The following KPNA3 variants were observed in gnomAD, a reference collection of about 807,000 sequenced individuals.
KPNA3 encodes importin subunit alpha-4.
KPNA3 carries 13 observed loss-of-function variants against 73.8 expected under a neutral mutation model. That is an observed-to-expected ratio of 0.18 (90% CI 0.11 to 0.28). The LOEUF is 0.28. Ranked by LOEUF, KPNA3 falls within the 10% of genes least tolerant of loss-of-function variation. The pLI, the probability that KPNA3 is intolerant of heterozygous loss-of-function variation, is 1.00. For synonymous variants in KPNA3, 186 were observed against 206.9 expected (o/e 0.90, Z 0.87); for missense variants, 360 against 618.1 (o/e 0.58, Z 4.43).
At chr13:49,737,550 AGTGTGTGTGTCT>A (rs1259855898) in intron 2 of KPNA3, among the ~76,000 whole-genome samples, 7 of 124,618 alleles carry the variant, frequency 5.6e-5, no homozygotes, top group Non-Finnish European at 6.8e-5. Flanking sequence ...CTTACTATTA[AGTGTGTGTGTCT>A]GTGTGTGTGT....
intron 1 of KPNA3, among the ~76,000 whole-genome samples, chr13:49,759,659 C>T (rs1954742010): frequency 6.6e-6 from 1 of 152,134 alleles, no homozygotes; most frequent in African/African-American, 2.4e-5. Context: ...CAGTTCACAG[C>T]AGGGTTTGTG....
chr13:49,786,550 T>G (rs1954983878), intron 1 of KPNA3, among the ~76,000 whole-genome samples: 1 of 152,204 alleles, frequency 6.6e-6, no homozygotes, highest in African/African-American at 2.4e-5. Context: ...ATTGTAATCT[T>G]GGTGTTCCAG....
At chr13:49,792,291 C>T (rs1318589761) in intron 1 of KPNA3, 147 bp downstream of exon 1, 1 of 286,578 alleles carries the variant, frequency 3.5e-6, no homozygotes, top group Non-Finnish European at 5.7e-6. Flanking sequence ...CCGCTCCGCC[C>T]AGCCCGGGGC....
intron 8 of KPNA3, 42 bp from the exon 9 acceptor site, chr13:49,722,166 G>GACTTTCTCATCCT: frequency 7.5e-7 from 1 of 1,330,348 alleles, no homozygotes; most frequent in Non-Finnish European, 1.0e-6. Flanking sequence ...CTTACATTCA[G>GACTTTCTCATCCT]GATGAGAAAG....
chr13:49,706,051 G>A (rs1405974589), intron 14 of KPNA3, 47 bp downstream of exon 14: 1 of 1,497,284 alleles, frequency 6.7e-7, no homozygotes, highest in East Asian at 2.3e-5. Flanking sequence ...AGAGCAGCAT[G>A]CTTTCCAGTA....
chr13:49,758,896 A>G (rs1954735106), intron 1 of KPNA3, among the ~76,000 whole-genome samples: 1 of 152,140 alleles, frequency 6.6e-6, no homozygotes, highest in South Asian at 2.1e-4. Context: ...TGCATAGACA[A>G]TACTCTCAAA....
chr13:49,765,637 A>G (rs539298963), intron 1 of KPNA3, among the ~76,000 whole-genome samples: 2 of 152,302 alleles, frequency 1.3e-5, no homozygotes, highest in African/African-American at 2.4e-5. Context: ...CGCCTGGCCT[A>G]TATTTTCATC....
At chr13:49,790,562 TG>T (rs1955024659) in intron 1 of KPNA3, among the ~76,000 whole-genome samples, 2 of 152,264 alleles carry the variant, frequency 1.3e-5, no homozygotes, top group African/African-American at 4.8e-5. Context: ...TAACAGTGTC[TG>T]CCACATTAGA....
At chr13:49,706,222 G>C in intron 13 of KPNA3, 46 bp downstream of exon 13, 1 of 1,610,234 alleles carries the variant, frequency 6.2e-7, no homozygotes, top group Non-Finnish European at 8.5e-7. Context: ...AAAAGTCTTG[G>C]TTATTAACAG....
intron 10 of KPNA3, among the ~76,000 whole-genome samples, chr13:49,716,469 C>A (rs549363052): frequency 1.3e-5 from 2 of 152,116 alleles, no homozygotes; most frequent in East Asian, 3.9e-4. Flanking sequence ...CACAGCATCT[C>A]GCTCTGTTGC....
intron 9 of KPNA3, 42 bp downstream of exon 9, chr13:49,721,913 T>C (rs779991743): frequency 8.2e-6 from 11 of 1,337,852 alleles, no homozygotes; most frequent in Non-Finnish European, 1.1e-5. Context: ...AGTACAAACA[T>C]AGGGAAAATA....
At chr13:49,737,581 G>C (rs28894727) in intron 2 of KPNA3, among the ~76,000 whole-genome samples, 4 of 134,426 alleles carry the variant, frequency 3.0e-5, no homozygotes, top group East Asian at 4.1e-4. Flanking sequence ...GTGTGTGTGT[G>C]TGTGTGTGTG....
chr13:49,792,124 C>G (rs1372500372), intron 1 of KPNA3, among the ~76,000 whole-genome samples: 4 of 152,100 alleles, frequency 2.6e-5, no homozygotes, highest in African/African-American at 9.7e-5. Context: ...CCCGTTCATC[C>G]GGGCGGCCCT....
intron 1 of KPNA3, among the ~76,000 whole-genome samples, chr13:49,757,509 T>A (rs1479465615): frequency 6.6e-6 from 1 of 152,206 alleles, no homozygotes; most frequent in African/African-American, 2.4e-5. Flanking sequence ...AATCTTATTA[T>A]ACATCTAAAA....
At chr13:49,717,216 A>G (rs2137540470) in intron 10 of KPNA3, among the ~76,000 whole-genome samples, 1 of 152,202 alleles carries the variant, frequency 6.6e-6, no homozygotes, top group East Asian at 1.9e-4. Context: ...ATCTACAATG[A>G]CTCTGCAGTC....
In KPNA3 at chr13:49,701,901, G is replaced by A; in HGVS notation, c.1468-3C>T. 2 of 1,601,986 alleles carry A rather than the reference G, an allele frequency of 1.2e-6. No individual in the cohort carries two copies. Among genetic ancestry groups the A allele is most frequent in the Non-Finnish European group, 8.5e-7 (1 of 1,169,656 alleles). ...ATGAGGCAGGGATCTTCATCAATCTGTAAAAAACAAGAAAAAAATCCTTAT... is the reference window on the plus strand; with the variant it reads ...ATGAGGCAGGGATCTTCATCAATCTATAAAAAACAAGAAAAAAATCCTTAT... On this transcript the variant is annotated splice_region_variant and splice_polypyrimidine_tract_variant and intron_variant, in intron 16 of 16. Coordinates refer to ENST00000261667, the MANE Select transcript of KPNA3 (RefSeq NM_002267.4).
At chr13:49,706,398 C>A (rs371452372) in intron 12 of KPNA3, 26 bp from the exon 13 acceptor site, 13 of 1,492,420 alleles carry the variant, frequency 8.7e-6, no homozygotes, top group Middle Eastern at 1.7e-4. Context: ...ATATAGGGCA[C>A]CTTTATTTGA....
intron 2 of KPNA3, among the ~76,000 whole-genome samples, chr13:49,734,899 T>TA (rs1555305279): frequency 7.0e-6 from 1 of 143,652 alleles, no homozygotes; most frequent in Non-Finnish European, 1.5e-5. Flanking sequence ...AATTTTGACT[T>TA]TATATATATA....
At position 49,701,529 on chromosome 13, in the gene KPNA3, T is replaced by A. The variant is rs1384544196; in HGVS notation, c.*271A>T. 11 of 542,532 alleles carry A rather than the reference T, an allele frequency of 2.0e-5. No homozygotes were observed. Among genetic ancestry groups the A allele is most frequent in the Admixed American group, 4.5e-5 (2 of 44,824 alleles). 33.6% of individuals were successfully genotyped at this position (542,532 alleles called of 1,614,324 possible). On this transcript the variant is annotated 3_prime_UTR_variant, in exon 17 of 17. Transcript: ENST00000261667. Reference sequence around the variant, plus strand: ...AAACTGGAGACTGCAGTTGTCAGCCTGTGGCACCAGGGAACAGGGAAAAAT... The same window carrying A: ...AAACTGGAGACTGCAGTTGTCAGCCAGTGGCACCAGGGAACAGGGAAAAAT...
Sources: allele counts gnomAD v4.1 joint callset (sites outside exome capture counted in the v4.1 genomes callset), GRCh38; gene constraint gnomAD v4.1.1; transcripts MANE v1.5; gene names NCBI Gene and HGNC (gene_info 2026-07-23, HGNC 2026-07-21).